The following GRID2 variants were observed in gnomAD, a reference collection of about 807,000 sequenced individuals.
The protein encoded by GRID2 is glutamate receptor ionotropic, delta-2.
Under a neutral mutation model 114.8 loss-of-function variants are expected in GRID2, and 33 were observed. The observed-to-expected ratio is 0.29, with a 90% CI of 0.22 to 0.38. GRID2 has a LOEUF of 0.38. GRID2 is among the 10% of genes least tolerant of loss of function. The pLI is 1.00. For missense variants in GRID2, 1,184 were observed against 1,257.7 expected (o/e 0.94, Z 0.89); for synonymous variants, 505 against 449.9 (o/e 1.12, Z -1.55).
At chr4:93,650,020 C>T (rs1309940077) in intron 14 of GRID2, among the ~76,000 whole-genome samples, 3 of 152,152 alleles carry the variant, frequency 2.0e-5, no homozygotes, top group African/African-American at 7.2e-5. Flanking sequence ...ACCCAGCCCC[C>T]CATCTGCATT....
At chr4:93,652,780 A>C (rs1722688078) in intron 14 of GRID2, among the ~76,000 whole-genome samples, 1 of 124,638 alleles carries the variant, frequency 8.0e-6, no homozygotes, top group South Asian at 2.8e-4. Context: ...AATGCAGTAA[A>C]TGCTAAAAAA....
chr4:93,727,944 A>G (rs1730095434), intron 14 of GRID2, among the ~76,000 whole-genome samples: 2 of 152,084 alleles, frequency 1.3e-5, no homozygotes, highest in Admixed American at 1.3e-4. Flanking sequence ...CAGCTTCTGG[A>G]TTCATTAATT....
intron 2 of GRID2, among the ~76,000 whole-genome samples, chr4:92,792,520 C>T (rs1739644194): frequency 6.6e-6 from 1 of 151,348 alleles, no homozygotes; most frequent in Non-Finnish European, 1.5e-5. Context: ...CTCTCTCTCT[C>T]CCTTTCTCTC....
chr4:93,750,764 CA>C (rs1331857303), intron 14 of GRID2, among the ~76,000 whole-genome samples: 3 of 151,324 alleles, frequency 2.0e-5, no homozygotes, highest in African/African-American at 4.9e-5. Context: ...TCAAAAAAAA[CA>C]AAAAGGTGGT....
At chr4:93,647,356 C>T (rs998948996) in intron 14 of GRID2, among the ~76,000 whole-genome samples, 1 of 152,142 alleles carries the variant, frequency 6.6e-6, no homozygotes, top group African/African-American at 2.4e-5. Flanking sequence ...ATAGAATGGG[C>T]TCCATGATTG....
At chr4:92,305,055 G>A (rs1306483066) in intron 1 of GRID2, among the ~76,000 whole-genome samples, 1 of 152,134 alleles carries the variant, frequency 6.6e-6, no homozygotes, top group Admixed American at 6.5e-5. Flanking sequence ...TGTGGGGAAA[G>A]GGAGTTTAAT....
At chr4:92,386,319 A>T (rs1729958537) in intron 1 of GRID2, among the ~76,000 whole-genome samples, 1 of 151,676 alleles carries the variant, frequency 6.6e-6, no homozygotes, top group Non-Finnish European at 1.5e-5. Flanking sequence ...CGCTAATTTG[A>T]TCATCAAAGT....
intron 1 of GRID2, among the ~76,000 whole-genome samples, chr4:92,481,113 A>G (rs976192112): frequency 2.0e-5 from 3 of 152,182 alleles, no homozygotes; most frequent in Non-Finnish European, 4.4e-5. Flanking sequence ...ATATGACGTA[A>G]ACATGGTAAG....
intron 8 of GRID2, among the ~76,000 whole-genome samples, chr4:93,321,703 A>G (rs1477496380): frequency 6.6e-6 from 1 of 151,562 alleles, no homozygotes; most frequent in Non-Finnish European, 1.5e-5. Flanking sequence ...GGGATATTAT[A>G]TTCTCTAGGT....
intron 4 of GRID2, among the ~76,000 whole-genome samples, chr4:93,171,204 A>G (rs1292101185): frequency 6.6e-6 from 1 of 152,072 alleles, no homozygotes; most frequent in African/African-American, 2.4e-5. Context: ...TTTGTTCTTT[A>G]TGTTACTCAC....
intron 2 of GRID2, among the ~76,000 whole-genome samples, chr4:93,068,694 A>AC (rs990676273): frequency 1.9e-5 from 1 of 51,642 alleles, no homozygotes; most frequent in African/African-American, 8.4e-5. Context: ...TCCTATTTAC[A>AC]AAAAAAAAAA....
chr4:93,495,657 G>A (rs143551789), intron 12 of GRID2, among the ~76,000 whole-genome samples: 30 of 151,836 alleles, frequency 2.0e-4, no homozygotes, highest in African/African-American at 5.8e-4. Context: ...ATGGGAGGCC[G>A]TTAAAGGTGT....
chr4:92,328,625 T>A (rs928317539), intron 1 of GRID2, among the ~76,000 whole-genome samples: 1 of 152,078 alleles, frequency 6.6e-6, no homozygotes, highest in Admixed American at 6.6e-5. Flanking sequence ...TGAATTTTCT[T>A]GTTTTGAAAG....
intron 14 of GRID2, among the ~76,000 whole-genome samples, chr4:93,714,274 T>G (rs1449553998): frequency 6.6e-6 from 1 of 152,134 alleles, no homozygotes; most frequent in Admixed American, 6.6e-5. Context: ...TAATTCTCAT[T>G]CCTTTTTATG....
chr4:93,299,540 G>A (rs905158906), intron 8 of GRID2, among the ~76,000 whole-genome samples: 15 of 125,564 alleles, frequency 1.2e-4, no homozygotes, highest in African/African-American at 4.5e-4. Context: ...TCACACACTG[G>A]GGCCTGTTGT....
At chr4:93,110,707 A>C (rs2149351321) in intron 3 of GRID2, 41 bp from the exon 4 acceptor site, 1 of 1,283,484 alleles carries the variant, frequency 7.8e-7, no homozygotes, top group Non-Finnish European at 1.1e-6. Context: ...CCTTCTGTAC[A>C]ATAATTCACA....
intron 2 of GRID2, among the ~76,000 whole-genome samples, chr4:93,062,867 A>T (rs975736675): frequency 1.3e-5 from 2 of 152,008 alleles, no homozygotes; most frequent in Non-Finnish European, 2.9e-5. Context: ...TGATTTAATT[A>T]TTCTCATTTA....
At chr4:92,856,818 C>T (rs1744213306) in intron 2 of GRID2, among the ~76,000 whole-genome samples, 1 of 152,088 alleles carries the variant, frequency 6.6e-6, no homozygotes, top group Non-Finnish European at 1.5e-5. Context: ...AAGCATTTTG[C>T]TTTATGGCAC....
At chr4:92,703,617 T>TTATATATATATATATATATATA (rs3971001) in intron 2 of GRID2, among the ~76,000 whole-genome samples, 54 of 140,976 alleles carry the variant, frequency 3.8e-4, no homozygotes, top group African/African-American at 1.4e-3. Flanking sequence ...AGGAAAAACA[T>TTATATATATATATATATATATA]TATATATATA....
Sources: gnomAD v4.1 joint callset for allele counts (sites outside exome capture counted in the v4.1 genomes callset) on GRCh38, gnomAD v4.1.1 for gene constraint, MANE v1.5 for transcripts, NCBI Gene and HGNC (gene_info 2026-07-23, HGNC 2026-07-21) for gene names.